H2AJ: variants seen among roughly 807,000 people sequenced by gnomAD.
H2AJ encodes H2A.J histone, also known as histone H2A.J.
H2AJ carries 3 observed loss-of-function variants against 7.9 expected under a neutral mutation model. The ratio of observed to expected loss-of-function variants is 0.38; its 90% CI spans 0.17 to 0.98. The LOEUF (loss-of-function observed/expected upper bound fraction) is 0.98. Among genes scored for constraint, H2AJ ranks in the 50% least tolerant of loss-of-function variants. The probability of loss-of-function intolerance (pLI) is 0.39; values close to 1 mark genes in which losing one functional copy is unlikely to be tolerated. For synonymous variants in H2AJ, 98 were observed against 85.7 expected, an observed-to-expected ratio of 1.14 and a Z score of -0.79; for missense variants, 128 against 174.4, an observed-to-expected ratio of 0.73 and a Z score of 1.50.
chr12:14,777,402 A>AT (rs1166086158), downstream of H2AJ: 1 of 166,686 alleles, frequency 6.0e-6, no homozygotes, highest in Non-Finnish European at 1.5e-5. Context: ...CTTGGCCAGG[A>AT]TTTGTTTGAT....
At position 14,774,818 on chromosome 12, in the gene H2AJ, G is replaced by C; in HGVS notation, c.348G>C (p.Leu116=). 1 of 1,614,230 alleles carries C rather than the reference G, an allele frequency of 6.2e-7. No homozygotes were observed. Among genetic ancestry groups the C allele is most frequent in the Non-Finnish European group, 8.5e-7 (1 of 1,180,044 alleles). The change falls in exon 1 of 1, where the codon CTG becomes CTC. Residue 116 remains leucine (L), a synonymous_variant. Transcript: ENST00000544848. ...GGVLPNIQAV[L]LPKKTESQKT... ...TCCTGCCCAACATCCAGGCCGTGCT[G>C]CTGCCCAAGAAGACGGAGAGTCAGA...
downstream of H2AJ, chr12:14,776,403 C>G (rs1327940939): frequency 1.2e-5 from 2 of 167,094 alleles, no homozygotes; most frequent in Non-Finnish European, 2.9e-5. Flanking sequence ...GTACTTGTAC[C>G]TCTCTGCTGT....
In H2AJ at chr12:14,774,625, T is replaced by C. The variant is rs1400745821; in HGVS notation, c.155T>C (p.Leu52Pro). 1 of 1,614,026 alleles carries C rather than the reference T, an allele frequency of 6.2e-7. No individual in the cohort carries two copies. Among genetic ancestry groups the C allele is most frequent in the Admixed American group, 1.7e-5 (1 of 60,020 alleles). ...GTGGGCGCCGGGGCGCCGGTGTACC[T>C]GGCGGCGGTGTTGGAGTACCTTACG... is the stretch of plus-strand genomic sequence containing the variant. ...ERVGAGAPVY[L>P]AAVLEYLTAE... is the part of the protein sequence containing the mutation. Residue 52 changes from leucine (L) to proline (P), a missense_variant, in exon 1 of 1, where the codon CTG (leucine) becomes CCG (proline). Physicochemically the swap from Leu to Pro is moderately conservative, Grantham distance 98. Transcript: ENST00000544848.
chr12:14,777,793 C>T (rs1164259591), downstream of H2AJ: 2 of 167,032 alleles, frequency 1.2e-5, no homozygotes, highest in African/African-American at 2.4e-5. Context: ...GAAATAGGCT[C>T]AATGAATAGT....
Position 14,774,493 on chromosome 12 carries a change from G to A in H2AJ, c.23G>A (p.Gly8Asp), listed in dbSNP as rs1474884404. Residue 8 changes from glycine to aspartate, a missense_variant, in exon 1 of 1, where the codon GGC becomes GAC. By Grantham distance (94) the Gly-to-Asp change is moderately conservative (BLOSUM62 -1). Coordinates refer to ENST00000544848, the MANE Select transcript of H2AJ (RefSeq NM_177925.5). ...ATCATGTCCGGTCGCGGGAAACAGG[G>A]CGGCAAAGTGCGAGCAAAGGCCAAA... MSGRGKQ[G>D]GKVRAKAKSR... 1.3e-6 allele frequency: 2 copies of A among 1,584,072 alleles called. No individual in the cohort carries two copies. Among genetic ancestry groups the A allele is most frequent in the Admixed American group, 3.7e-5 (2 of 54,510 alleles).
Position 14,774,900 on chromosome 12 carries a change from G to A in H2AJ, c.*40G>A. The A allele has an allele frequency of 6.3e-7, 1 of 1,593,354 alleles. No homozygotes were observed. Among genetic ancestry groups the A allele is most frequent in the Non-Finnish European group, 8.5e-7 (1 of 1,170,012 alleles). ...TCAGGGAGCTGGCTCCCCCAGCAAA[G>A]GCCCTTTTCATGGTCGTCCCGCAAT... On this transcript the variant is annotated 3_prime_UTR_variant, in exon 1 of 1. Coordinates refer to ENST00000544848, the MANE Select transcript of H2AJ (RefSeq NM_177925.5).
At chr12:14,775,170 CA>C (rs896173647), downstream of H2AJ, 1 of 489,032 alleles carries the variant, frequency 2.0e-6, no homozygotes, top group Non-Finnish European at 4.0e-6. Context: ...CTCGAGGCGT[CA>C]GGGGAGGGTG....
At chr12:14,775,606 A>G, downstream of H2AJ, 1 of 367,786 alleles carries the variant, frequency 2.7e-6, no homozygotes, top group Non-Finnish European at 5.6e-6. Context: ...CCTGACAGTC[A>G]TATTGCATAA....
downstream of H2AJ, chr12:14,775,923 A>ACCC (rs2137215146): frequency 6.0e-6 from 1 of 168,020 alleles, no homozygotes; most frequent in African/African-American, 2.4e-5. Context: ...GAAAGATAGG[A>ACCC]CCAAATATGT....
downstream of H2AJ, chr12:14,776,507 T>C (rs1949643159): frequency 6.0e-6 from 1 of 167,106 alleles, no homozygotes; most frequent in African/African-American, 2.4e-5. Context: ...AGGCAAATTA[T>C]TGGGCAGGTT....
chr12:14,775,744 C>T, downstream of H2AJ: 1 of 238,518 alleles, frequency 4.2e-6, no homozygotes, highest in Non-Finnish European at 9.1e-6. Context: ...TTTGACTTTG[C>T]TTTCAAACAA....
In H2AJ at chr12:14,774,500, A is replaced by G. The variant is rs202241078; in HGVS notation, c.30A>G (p.Lys10=). ...CCGGTCGCGGGAAACAGGGCGGCAA[A>G]GTGCGAGCAAAGGCCAAATCCCGCT... MSGRGKQGG[K]VRAKAKSRSS... The change falls in exon 1 of 1, where the codon AAA becomes AAG. Residue 10 remains lysine (K), a synonymous_variant. Coordinates refer to ENST00000544848, the MANE Select transcript of H2AJ (RefSeq NM_177925.5). The G allele has an allele frequency of 6.2e-5, 98 of 1,589,396 alleles. 1 individual carries two copies. In the East Asian group the frequency reaches 2.1e-3, roughly 34 times the overall value.
At chr12:14,775,263 C>T (rs765990767), downstream of H2AJ, 5 of 476,776 alleles carry the variant, frequency 1.0e-5, no homozygotes, top group Middle Eastern at 6.9e-4. Context: ...AGGCCTCCTT[C>T]GGAATTATTT....
At chr12:14,777,273 T>A (rs1949653697), downstream of H2AJ, 1 of 167,102 alleles carries the variant, frequency 6.0e-6, no homozygotes, top group African/African-American at 2.4e-5. Flanking sequence ...AGACAAAATC[T>A]GATGGGAACT....
downstream of H2AJ, chr12:14,775,456 G>A (rs1847075878): frequency 4.2e-6 from 2 of 471,118 alleles, no homozygotes; most frequent in Non-Finnish European, 8.8e-6. Flanking sequence ...ATGTCAACTT[G>A]AGATTCTTCC....
Position 14,774,811 on chromosome 12 carries a change from C to G in H2AJ, c.341C>G (p.Ala114Gly), listed in dbSNP as rs1047361818. 1.2e-5 allele frequency: 19 copies of G among 1,614,222 alleles called. No homozygotes were observed. The highest frequency in any genetic ancestry group is 1.6e-5 in the Non-Finnish European group (19 of 1,180,038). Reference sequence around the variant, plus strand: ...GGCGGCGTCCTGCCCAACATCCAGGCCGTGCTGCTGCCCAAGAAGACGGAG... The same window carrying G: ...GGCGGCGTCCTGCCCAACATCCAGGGCGTGCTGCTGCCCAAGAAGACGGAG... ...AQGGVLPNIQ[A>G]VLLPKKTESQ... is the part of the protein sequence containing the mutation. The change falls in exon 1 of 1, where the codon GCC becomes GGC. Residue 114 changes from alanine (A) to glycine (G), a missense_variant. Physicochemically the swap from Ala to Gly is moderately conservative, Grantham distance 60. Transcript: ENST00000544848.
At chr12:14,777,668 CTT>C (rs1187336458), downstream of H2AJ, 1 of 167,096 alleles carries the variant, frequency 6.0e-6, no homozygotes, top group Non-Finnish European at 1.5e-5. Flanking sequence ...TTTTTGGAAA[CTT>C]AATCTCTTTA....
downstream of H2AJ, chr12:14,775,337 G>C (rs1306157102): frequency 6.4e-6 from 3 of 471,378 alleles, no homozygotes; most frequent in African/African-American, 6.0e-5. Flanking sequence ...ACCAAGTTCT[G>C]GGAAGATACC....
Position 14,774,913 on chromosome 12 carries a change from G to A in H2AJ, c.*53G>A, listed in dbSNP as rs1021567961. 8.9e-6 allele frequency: 14 copies of A among 1,574,382 alleles called. No homozygotes were observed. The Admixed American group carries it at 1.7e-4, about 19-fold the overall frequency. ...TCCCCCAGCAAAGGCCCTTTTCATG[G>A]TCGTCCCGCAATGCTTTTGAATGTG... On this transcript the variant is annotated 3_prime_UTR_variant, in exon 1 of 1. Transcript: ENST00000544848.
Sources: allele counts gnomAD v4.1 joint callset, GRCh38; gene constraint gnomAD v4.1.1; transcripts MANE v1.5; gene names NCBI Gene and HGNC (gene_info 2026-07-23, HGNC 2026-07-21).